The following KYAT1 variants were observed in gnomAD, a reference collection of about 807,000 sequenced individuals.
The protein encoded by KYAT1 is kynurenine--oxoglutarate transaminase 1.
In KYAT1, 47 loss-of-function variants were observed where a neutral mutation model predicts 52.4. That is an observed-to-expected ratio of 0.90 (90% CI 0.71 to 1.14). The LOEUF (loss-of-function observed/expected upper bound fraction) is 1.14, where lower values mean the gene tolerates loss of function less well. Among genes scored for constraint, KYAT1 ranks in the 50% most tolerant of loss-of-function variants. KYAT1 has a pLI of 0.00. For missense variants in KYAT1, 480 were observed against 557.9 expected (o/e 0.86, Z 1.41); for synonymous variants, 212 against 209.6 (o/e 1.01, Z -0.10).
chr9:128,835,264 C>G, intron 11 of KYAT1, 59 bp downstream of exon 11: 1 of 1,459,780 alleles, frequency 6.9e-7, no homozygotes, highest in Non-Finnish European at 9.6e-7. Flanking sequence ...CCTGGGCACC[C>G]TTGAGCAGCA....
intron 1 of KYAT1, among the ~76,000 whole-genome samples, chr9:128,852,148 TTCTC>T (rs1238345083): frequency 3.9e-5 from 6 of 152,198 alleles, no homozygotes; most frequent in Admixed American, 1.3e-4. Context: ...TTCACCCACT[TTCTC>T]TCTTTAGAAT....
chr9:128,855,619 T>C (rs1319992473), intron 1 of KYAT1, among the ~76,000 whole-genome samples: 1 of 152,192 alleles, frequency 6.6e-6, no homozygotes, highest in Non-Finnish European at 1.5e-5. Context: ...CCTGTGAAAA[T>C]TGTAGATTGT....
intron 1 of KYAT1, among the ~76,000 whole-genome samples, chr9:128,870,448 G>A (rs890357870): frequency 3.3e-5 from 5 of 152,126 alleles, no homozygotes; most frequent in Non-Finnish European, 7.4e-5. Context: ...ACCAGCCTGG[G>A]AAACACGGCA....
At chr9:128,861,075 G>C (rs546121075) in intron 1 of KYAT1, among the ~76,000 whole-genome samples, 1 of 152,234 alleles carries the variant, frequency 6.6e-6, no homozygotes, top group Non-Finnish European at 1.5e-5. Context: ...CTTGGTGCAA[G>C]GTTCTCACAA....
intron 1 of KYAT1, among the ~76,000 whole-genome samples, chr9:128,867,469 G>A (rs1836562744): frequency 6.6e-6 from 1 of 152,080 alleles, no homozygotes; most frequent in South Asian, 2.1e-4. Context: ...GTGAGCCAGT[G>A]CACCCAGCCC....
intron 1 of KYAT1, among the ~76,000 whole-genome samples, chr9:128,859,356 G>A (rs991646258): frequency 2.0e-5 from 3 of 151,260 alleles, no homozygotes; most frequent in East Asian, 2.0e-4. Context: ...GGGAGACTCC[G>A]TCTCAACAAC....
chr9:128,870,829 C>A (rs943284010), intron 1 of KYAT1, among the ~76,000 whole-genome samples: 1 of 151,340 alleles, frequency 6.6e-6, no homozygotes, highest in African/African-American at 2.4e-5. Flanking sequence ...CCTAAGGGAA[C>A]GATAAAGTTT....
chr9:128,839,522 G>A (rs1023739900), intron 3 of KYAT1, among the ~76,000 whole-genome samples: 1 of 152,176 alleles, frequency 6.6e-6, no homozygotes, highest in Non-Finnish European at 1.5e-5. Context: ...CTACTCGGGA[G>A]GCTGAGGCAG....
At chr9:128,837,985 C>T in intron 5 of KYAT1, 66 bp downstream of exon 5, 2 of 1,558,840 alleles carry the variant, frequency 1.3e-6, no homozygotes, top group Non-Finnish European at 1.8e-6. Flanking sequence ...TTTCCAACTC[C>T]CAGGGTCCAA....
chr9:128,839,492 G>A (rs1426400760), intron 3 of KYAT1, among the ~76,000 whole-genome samples: 6 of 152,056 alleles, frequency 3.9e-5, no homozygotes, highest in Admixed American at 1.3e-4. Context: ...GCATGGTGGC[G>A]GGCACCTGTA....
chr9:128,842,555 G>T, intron 3 of KYAT1, 99 bp downstream of exon 3: 1 of 1,206,272 alleles, frequency 8.3e-7, no homozygotes, highest in Non-Finnish European at 1.2e-6. Flanking sequence ...GAATCCCCTG[G>T]CTCTGTCCCC....
intron 2 of KYAT1, among the ~76,000 whole-genome samples, chr9:128,844,455 T>C (rs1026603678): frequency 6.9e-6 from 1 of 145,980 alleles, no homozygotes; most frequent in African/African-American, 2.6e-5. Flanking sequence ...CTGAGGCGGG[T>C]GGATCACGAG....
Position 128,851,293 on chromosome 9 carries a change from G to T in KYAT1, c.-6-5882C>A, listed in dbSNP as rs1248568210. Among the ~76,000 whole-genome samples the T allele has an allele frequency of 2.0e-5, 3 of 152,174 alleles. No homozygotes were observed. In the East Asian group the frequency reaches 5.8e-4, roughly 29 times the overall value. Reference sequence around the variant, plus strand: ...GGGTGAAGTTATGCTGAGAACGTGAGTATTGAGGACAGCTGATGAGAGATT... The same window carrying T: ...GGGTGAAGTTATGCTGAGAACGTGATTATTGAGGACAGCTGATGAGAGATT... On this transcript the variant is annotated intron_variant, in intron 1 of 12. Transcript: ENST00000302586.
intron 1 of KYAT1, among the ~76,000 whole-genome samples, chr9:128,852,241 C>T (rs1002643554): frequency 5.9e-5 from 9 of 152,302 alleles, no homozygotes; most frequent in Admixed American, 5.9e-4. Flanking sequence ...TGCCATAATA[C>T]AACCCATGGG....
intron 1 of KYAT1, among the ~76,000 whole-genome samples, chr9:128,867,918 GC>G (rs1836639659): frequency 6.6e-6 from 1 of 152,034 alleles, no homozygotes; most frequent in Non-Finnish European, 1.5e-5. Context: ...GACTACAGGT[GC>G]CCACCACCAC....
intron 3 of KYAT1, among the ~76,000 whole-genome samples, chr9:128,840,878 T>C (rs1156680535): frequency 2.0e-5 from 3 of 152,246 alleles, no homozygotes; most frequent in African/African-American, 7.2e-5. Context: ...TATTTATAAA[T>C]ATTTATAGTC....
chr9:128,865,324 TA>T (rs1564491311), intron 1 of KYAT1, among the ~76,000 whole-genome samples: 3,186 of 16,448 alleles, frequency 0.19, 565 homozygotes, highest in East Asian at 0.23. Flanking sequence ...TATATATATA[TA>T]TATATATATA....
chr9:128,874,706 G>A (rs1837715353), intron 1 of KYAT1, among the ~76,000 whole-genome samples: 1 of 149,506 alleles, frequency 6.7e-6, no homozygotes, highest in African/African-American at 2.5e-5. Flanking sequence ...TACATTTTGT[G>A]GTGAGATAAT....
intron 1 of KYAT1, among the ~76,000 whole-genome samples, chr9:128,870,105 A>G (rs1837026859): frequency 6.6e-6 from 1 of 152,192 alleles, no homozygotes; most frequent in Admixed American, 6.6e-5. Context: ...GAAGTACCTT[A>G]CAACCTAGCA....
Sources: allele counts gnomAD v4.1 joint callset (sites outside exome capture counted in the v4.1 genomes callset), GRCh38; gene constraint gnomAD v4.1.1; transcripts MANE v1.5; gene names NCBI Gene and HGNC (gene_info 2026-07-23, HGNC 2026-07-21).